GFOD1: variants seen among roughly 807,000 people sequenced by gnomAD.
GFOD1 encodes glucose-fructose oxidoreductase domain-containing protein 1.
In GFOD1, 9 loss-of-function variants were observed where a neutral mutation model predicts 25.4. The ratio of observed to expected loss-of-function variants is 0.35; its 90% confidence interval spans 0.21 to 0.62. The LOEUF is 0.62. Among genes scored for constraint, GFOD1 ranks in the 20% least tolerant of loss-of-function variants. The pLI is 0.72. For missense variants in GFOD1, 403 were observed against 556.9 expected, an observed-to-expected ratio of 0.72 and a Z score of 2.78; for synonymous variants, 253 against 245.6, an observed-to-expected ratio of 1.03 and a Z score of -0.28.
intron 1 of GFOD1, among the ~76,000 whole-genome samples, chr6:13,485,797 T>G (rs1758851207): frequency 6.6e-6 from 1 of 152,198 alleles, no homozygotes; most frequent in South Asian, 2.1e-4. Flanking sequence ...CCTTTTCTCA[T>G]GCAAAGCATC....
In GFOD1 at chr6:13,360,221, C is replaced by T. The variant is rs1171399872; in HGVS notation, c.*4522G>A. 1 of 168,478 alleles carries T rather than the reference C, an allele frequency of 5.9e-6. No individual in the cohort carries two copies. The highest frequency in any genetic ancestry group is 2.4e-5 in the African/African-American group (1 of 41,552). 10.4% of individuals were successfully genotyped at this position (168,478 alleles called of 1,614,324 possible). ...TCTGTTATGTAAAACAAAAGGACGG[C>T]TATTGGACTGTGAAGCCCCTTCAGA... On this transcript the variant is annotated 3_prime_UTR_variant, in exon 2 of 2. Transcript: ENST00000379287.
intron 1 of GFOD1, among the ~76,000 whole-genome samples, chr6:13,441,054 C>T (rs1049834749): frequency 5.9e-5 from 9 of 152,240 alleles, no homozygotes; most frequent in African/African-American, 2.2e-4. Flanking sequence ...AGTCATCTCA[C>T]AGTCCACATC....
rs1584601138 is a variant in GFOD1, at chr6:13,361,150, G to A, written c.*3593C>T. On this transcript the variant is annotated 3_prime_UTR_variant, in exon 2 of 2. Coordinates refer to ENST00000379287, the MANE Select transcript of GFOD1 (RefSeq NM_018988.4). ...ACTACCCTAGAGTCCAGATATAACT[G>A]GCACAGTGGTATTTGCTGCCATGTA... is the stretch of plus-strand genomic sequence containing the variant. The A allele has an allele frequency of 9.5e-6, 3 of 317,170 alleles. No homozygotes were observed. Among genetic ancestry groups the A allele is most frequent in the East Asian group, 1.7e-4 (2 of 11,638 alleles). The allele number at this position is 317,170 out of a possible 1,614,324, so 19.6% of individuals were successfully genotyped here. A position where few individuals can be genotyped will look rare whatever the true frequency, so the allele number is the denominator to read the frequency against.
At chr6:13,398,846 G>A (rs1013047067) in intron 1 of GFOD1, among the ~76,000 whole-genome samples, 6 of 152,130 alleles carry the variant, frequency 3.9e-5, no homozygotes, top group African/African-American at 1.4e-4. Flanking sequence ...GGACATCCAG[G>A]GGCTCAGCTG....
chr6:13,363,026 A>C lies in GFOD1; in HGVS notation c.*1717T>G, dbSNP rs1784970672. 6.6e-6 allele frequency: 1 copy of C among 152,242 alleles called. No individual in the cohort carries two copies. The highest frequency in any genetic ancestry group is 2.4e-5 in the African/African-American group (1 of 41,464). The allele number at this position is 152,242 out of a possible 1,614,324, so 9.4% of individuals were successfully genotyped here. A position where few individuals can be genotyped will look rare whatever the true frequency, so the allele number is the denominator to read the frequency against. On this transcript the variant is annotated 3_prime_UTR_variant, in exon 2 of 2. Transcript: ENST00000379287. ...CTGTGAACAAAAGCTACGTAGACTTATGAGGAATGGCTTCCACGTCCACAC... is the reference window on the plus strand; with the variant it reads ...CTGTGAACAAAAGCTACGTAGACTTCTGAGGAATGGCTTCCACGTCCACAC...
intron 1 of GFOD1, among the ~76,000 whole-genome samples, chr6:13,461,098 T>G (rs966375007): frequency 1.1e-4 from 17 of 152,206 alleles, no homozygotes; most frequent in South Asian, 1.0e-3. Flanking sequence ...CTGTCTAAGA[T>G]GTATCTTTGT....
chr6:13,470,247 G>T, intron 1 of GFOD1: 1 of 1,595,434 alleles, frequency 6.3e-7, no homozygotes. Context: ...GCAATTGCCG[G>T]CTCATGAAGC....
At chr6:13,486,470 A>T (rs112913968) in intron 1 of GFOD1, 168 bp downstream of exon 1, 8,685 of 646,810 alleles carry the variant, frequency 0.013, 523 homozygotes, top group African/African-American at 0.13. Context: ...AAGGCCGGGG[A>T]CGAGGAAGGA....
chr6:13,405,696 T>C (rs1785932488), intron 1 of GFOD1, among the ~76,000 whole-genome samples: 1 of 152,152 alleles, frequency 6.6e-6, no homozygotes, highest in Admixed American at 6.5e-5. Flanking sequence ...ATAGTAAAGT[T>C]TGAGATGGAA....
intron 1 of GFOD1, among the ~76,000 whole-genome samples, chr6:13,438,308 G>C (rs1461890022): frequency 6.6e-6 from 1 of 152,156 alleles, no homozygotes; most frequent in Non-Finnish European, 1.5e-5. Context: ...TGAAGAGAAA[G>C]GGAAGTTCAT....
At position 13,470,106 on chromosome 6, in the gene GFOD1, C is replaced by T. The variant is rs150264769; in HGVS notation, c.253+16532G>A. The T allele has an allele frequency of 5.6e-5, 80 of 1,434,190 alleles. No homozygotes were observed. The East Asian group carries it at 1.1e-3, about 20-fold the overall frequency. 88.8% of individuals were successfully genotyped at this position (1,434,190 alleles called of 1,614,324 possible). ...CAGATGTTGAATTCGTTTGAAAAAC[C>T]GATAAATACTGCAGTTGGAAAATCC... On this transcript the variant is annotated intron_variant, in intron 1 of 1. Coordinates refer to ENST00000379287, the MANE Select transcript of GFOD1 (RefSeq NM_018988.4).
At chr6:13,400,186 C>A (rs1274170611) in intron 1 of GFOD1, among the ~76,000 whole-genome samples, 1 of 152,118 alleles carries the variant, frequency 6.6e-6, no homozygotes, top group African/African-American at 2.4e-5. Flanking sequence ...CAGGACCGGG[C>A]AGGGATTCAG....
rs1224547817 is a variant in GFOD1, at chr6:13,363,576, TTTTTTTTTG to T, written c.*1158_*1166del. ...AATCCTTTTTTTTTTTTTTTTTTTT[TTTTTTTTTG>T]TAAGGAAAGAGGATTCTGATTGGAA... On this transcript the variant is annotated 3_prime_UTR_variant, in exon 2 of 2. Transcript: ENST00000379287. 44 of 143,244 alleles carry T rather than the reference TTTTTTTTTG, an allele frequency of 3.1e-4. 1 individual carries two copies. Among genetic ancestry groups the T allele is most frequent in the African/African-American group, 1.1e-3 (41 of 38,782 alleles). 8.9% of individuals were successfully genotyped at this position (143,244 alleles called of 1,614,324 possible).
At position 13,362,641 on chromosome 6, in the gene GFOD1, ACCAC is replaced by A. The variant is rs1384781790; in HGVS notation, c.*2098_*2101del. ...AGCAACAGGTCAGGGACCACAACAA[ACCAC>A]GCATGGAATTTCAGCTTACCCACCC... is the stretch of plus-strand genomic sequence containing the variant. On this transcript the variant is annotated 3_prime_UTR_variant, in exon 2 of 2. Coordinates refer to ENST00000379287, the MANE Select transcript of GFOD1 (RefSeq NM_018988.4). The A allele has an allele frequency of 6.6e-6, 1 of 152,100 alleles. No individual in the cohort carries two copies. The highest frequency in any genetic ancestry group is 1.5e-5 in the Non-Finnish European group (1 of 68,026). 9.4% of individuals were successfully genotyped at this position (152,100 alleles called of 1,614,324 possible). A position where few individuals can be genotyped will look rare whatever the true frequency, so the allele number is the denominator to read the frequency against.
intron 1 of GFOD1, among the ~76,000 whole-genome samples, chr6:13,435,945 T>A (rs780859298): frequency 6.6e-6 from 1 of 152,214 alleles, no homozygotes; most frequent in Non-Finnish European, 1.5e-5. Flanking sequence ...CTAACTTTAA[T>A]GAACTTTCTC....
chr6:13,418,171 G>A (rs1369327738), intron 1 of GFOD1, among the ~76,000 whole-genome samples: 1 of 152,234 alleles, frequency 6.6e-6, no homozygotes, highest in African/African-American at 2.4e-5. Flanking sequence ...TTGGAAGCTA[G>A]CCATTCACCT....
rs113762978 is a variant in GFOD1, at chr6:13,365,685, G to A, written c.254-23C>T. On this transcript the variant is annotated intron_variant, in intron 1 of 1. Coordinates refer to ENST00000379287, the MANE Select transcript of GFOD1 (RefSeq NM_018988.4). The surrounding 1 kb of genome is among the most constrained non-coding windows in gnomAD (Gnocchi z 9.2). ...TGCCTGCGGGTGGGAGGAAGACAGCGGTCAGCGGGGCAGGACCATGTCCGA... is the reference window on the plus strand; with the variant it reads ...TGCCTGCGGGTGGGAGGAAGACAGCAGTCAGCGGGGCAGGACCATGTCCGA... The A allele has an allele frequency of 1.9e-5, 29 of 1,535,098 alleles. No individual in the cohort carries two copies. The highest frequency in any genetic ancestry group is 2.5e-5 in the Non-Finnish European group (28 of 1,124,678).
chr6:13,428,884 T>C (rs1371272594), intron 1 of GFOD1, among the ~76,000 whole-genome samples: 3 of 152,186 alleles, frequency 2.0e-5, no homozygotes, highest in African/African-American at 7.2e-5. Context: ...TATTGTAAAA[T>C]GTATAGCTTC....
intron 1 of GFOD1, among the ~76,000 whole-genome samples, chr6:13,452,371 T>C (rs1584660468): frequency 6.6e-6 from 1 of 152,204 alleles, no homozygotes; most frequent in Non-Finnish European, 1.5e-5. Context: ...TTGAAGTATT[T>C]CAGACTAATG....
Sources: allele counts gnomAD v4.1 joint callset (sites outside exome capture counted in the v4.1 genomes callset), GRCh38; gene constraint gnomAD v4.1.1; non-coding constraint Gnocchi (gnomAD v3.1); transcripts MANE v1.5; gene names NCBI Gene and HGNC (gene_info 2026-07-23, HGNC 2026-07-21).